CMSS1: variants seen among roughly 807,000 people sequenced by gnomAD.
CMSS1 encodes cms1 ribosomal small subunit homolog.
CMSS1 carries 33 observed loss-of-function variants against 43.5 expected under a neutral mutation model. That is an observed-to-expected ratio of 0.76 (90% CI 0.57 to 1.01). The LOEUF (loss-of-function observed/expected upper bound fraction) is 1.01, where lower values mean the gene tolerates loss of function less well. Ranked by LOEUF, CMSS1 falls within the 50% of genes least tolerant of loss-of-function variation. The pLI, the probability that CMSS1 is intolerant of heterozygous loss-of-function variation, is 0.00. For missense variants in CMSS1, 313 were observed against 326.4 expected, an observed-to-expected ratio of 0.96 and a Z score of 0.32; for synonymous variants, 115 against 117.2, an observed-to-expected ratio of 0.98 and a Z score of 0.12.
intron 1 of CMSS1, among the ~76,000 whole-genome samples, chr3:100,037,470 ACATTG>A (rs2065128290): frequency 6.6e-6 from 1 of 151,982 alleles, no homozygotes; most frequent in African/African-American, 2.4e-5. Flanking sequence ...ACACACACGC[ACATTG>A]TTATCTTCAC....
At chr3:100,130,365 A>T (rs2066696253) in intron 1 of CMSS1, among the ~76,000 whole-genome samples, 1 of 152,224 alleles carries the variant, frequency 6.6e-6, no homozygotes, top group Non-Finnish European at 1.5e-5. Flanking sequence ...TTGTTTTGGT[A>T]GCTACTGAAG....
intron 1 of CMSS1, among the ~76,000 whole-genome samples, chr3:100,080,431 T>A (rs1157764631): frequency 1.3e-5 from 2 of 152,196 alleles, no homozygotes; most frequent in Non-Finnish European, 2.9e-5. Context: ...AGGGAACATG[T>A]TAAAATGTAG....
intron 2 of CMSS1, among the ~76,000 whole-genome samples, chr3:100,155,006 C>T (rs1310300127): frequency 6.6e-6 from 1 of 152,088 alleles, no homozygotes; most frequent in East Asian, 1.9e-4. Context: ...ATTTAAAAAT[C>T]AAACAGTATT....
chr3:99,892,880 CTAAGT>C (rs1553693755), intron 1 of CMSS1, among the ~76,000 whole-genome samples: 1 of 152,150 alleles, frequency 6.6e-6, no homozygotes, highest in Non-Finnish European at 1.5e-5. Context: ...ATGGATTATT[CTAAGT>C]TATCTTTTAC....
At chr3:99,991,946 ATGTGTATATATG>A (rs1709531017) in intron 1 of CMSS1, among the ~76,000 whole-genome samples, 1 of 148,680 alleles carries the variant, frequency 6.7e-6, no homozygotes, top group Non-Finnish European at 1.5e-5. Context: ...ATGTGTATAT[ATGTGTATATATG>A]TGTGTATATA....
chr3:100,064,529 T>C (rs1328948528), intron 1 of CMSS1, among the ~76,000 whole-genome samples: 2 of 152,198 alleles, frequency 1.3e-5, no homozygotes, highest in Non-Finnish European at 2.9e-5. Flanking sequence ...TCATTCTTTA[T>C]GTTTTGACAA....
intron 1 of CMSS1, among the ~76,000 whole-genome samples, chr3:99,979,024 C>T (rs1709047379): frequency 6.6e-6 from 1 of 152,060 alleles, no homozygotes; most frequent in Admixed American, 6.6e-5. Flanking sequence ...GTGTCTGTGG[C>T]ACTGTAGGGC....
At chr3:100,146,166 A>G (rs1324214597) in intron 1 of CMSS1, among the ~76,000 whole-genome samples, 1 of 152,252 alleles carries the variant, frequency 6.6e-6, no homozygotes, top group African/African-American at 2.4e-5. Flanking sequence ...GCGCGACATT[A>G]TGGGAAATAA....
intron 1 of CMSS1, among the ~76,000 whole-genome samples, chr3:99,837,150 T>G (rs575305522): frequency 6.6e-6 from 1 of 152,354 alleles, no homozygotes; most frequent in South Asian, 2.1e-4. Context: ...AAATTTCATA[T>G]GAAATAAATG....
intron 1 of CMSS1, among the ~76,000 whole-genome samples, chr3:100,025,149 T>C (rs1576650502): frequency 6.6e-6 from 1 of 152,170 alleles, no homozygotes; most frequent in African/African-American, 2.4e-5. Context: ...TCAATGACCA[T>C]ACTTAGCTAA....
At chr3:100,021,958 TGTGAGAGAGAGA>T (rs1198992620) in intron 1 of CMSS1, among the ~76,000 whole-genome samples, 104 of 94,920 alleles carry the variant, frequency 1.1e-3, no homozygotes, top group African/African-American at 2.8e-3. Flanking sequence ...TGTGTGTGTG[TGTGAGAGAGAGA>T]GAGAGAGAGA....
At chr3:99,937,090 A>G (rs535942958) in intron 1 of CMSS1, among the ~76,000 whole-genome samples, 2 of 152,218 alleles carry the variant, frequency 1.3e-5, no homozygotes, top group East Asian at 3.9e-4. Context: ...GGCGCCTGCC[A>G]TCATGTGGCT....
chr3:100,026,589 C>A (rs2064926516), intron 1 of CMSS1, among the ~76,000 whole-genome samples: 1 of 152,132 alleles, frequency 6.6e-6, no homozygotes, highest in African/African-American at 2.4e-5. Context: ...CTCTTTTCTT[C>A]TACTTGTTCA....
intron 1 of CMSS1, among the ~76,000 whole-genome samples, chr3:100,146,310 A>C (rs2066849307): frequency 2.0e-5 from 3 of 152,186 alleles, no homozygotes; most frequent in Admixed American, 1.3e-4. Context: ...TCAAAATAAG[A>C]ATTTCTCATG....
intron 1 of CMSS1, among the ~76,000 whole-genome samples, chr3:99,867,524 G>A (rs985047156): frequency 6.6e-6 from 1 of 152,126 alleles, no homozygotes; most frequent in Non-Finnish European, 1.5e-5. Context: ...TTAAACAATT[G>A]AAAAGCCACA....
At chr3:99,876,455 C>G (rs1028083736) in intron 1 of CMSS1, among the ~76,000 whole-genome samples, 2 of 152,246 alleles carry the variant, frequency 1.3e-5, no homozygotes, top group African/African-American at 2.4e-5. Context: ...CAGGGTCGAT[C>G]CGCTTGTAAC....
chr3:99,963,515 A>C (rs1670133906), intron 1 of CMSS1, among the ~76,000 whole-genome samples: 1 of 152,190 alleles, frequency 6.6e-6, no homozygotes, highest in African/African-American at 2.4e-5. Flanking sequence ...GAAGGATAAG[A>C]AAGAATGTTG....
chr3:100,180,732 A>T lies in CMSS1; in HGVS notation c.*2344A>T, dbSNP rs950646430. The T allele has an allele frequency of 6.6e-6, 1 of 151,988 alleles. No individual in the cohort carries two copies. The highest frequency in any genetic ancestry group is 2.4e-5 in the African/African-American group (1 of 41,348). The allele number at this position is 151,988 out of a possible 1,614,324, so 9.4% of individuals were successfully genotyped here. On this transcript the variant is annotated 3_prime_UTR_variant, in exon 10 of 10. Coordinates refer to ENST00000421999, the MANE Select transcript of CMSS1 (RefSeq NM_032359.4). Reference sequence around the variant, plus strand: ...TCCTGTCTTCTTCTGATCCTTCCAAACTGTTGCAACTTCTCCCCGTTACCC... The same window carrying T: ...TCCTGTCTTCTTCTGATCCTTCCAATCTGTTGCAACTTCTCCCCGTTACCC...
chr3:100,083,442 G>T (rs956610235), intron 1 of CMSS1, among the ~76,000 whole-genome samples: 2 of 152,172 alleles, frequency 1.3e-5, no homozygotes, highest in Non-Finnish European at 2.9e-5. Flanking sequence ...TAGGGGTGGA[G>T]CCCAGTGATC....
Sources: allele counts gnomAD v4.1 joint callset (sites outside exome capture counted in the v4.1 genomes callset), GRCh38; gene constraint gnomAD v4.1.1; transcripts MANE v1.5; gene names NCBI Gene and HGNC (gene_info 2026-07-23, HGNC 2026-07-21).